Variants in MAMLD1 observed in about 807,000 individuals in gnomAD.
The protein encoded by MAMLD1 is mastermind like domain containing 1.
A neutral mutation model predicts 45.0 loss-of-function variants in MAMLD1; 14 were observed. The observed-to-expected ratio is 0.31, with a 90% CI of 0.21 to 0.49. MAMLD1 has a LOEUF of 0.49. MAMLD1 is among the 20% of genes least tolerant of loss of function. MAMLD1 has a pLI of 0.99. For synonymous variants in MAMLD1, 254 were observed against 247.8 expected, an observed-to-expected ratio of 1.02 and a Z score of -0.24; for missense variants, 543 against 603.6, an observed-to-expected ratio of 0.90 and a Z score of 1.05.
intron 3 of MAMLD1, among the ~76,000 whole-genome samples, chrX:150,463,600 G>A (rs2036121854): frequency 8.9e-6 from 1 of 112,123 alleles, no homozygotes; most frequent in Admixed American, 9.4e-5. Flanking sequence ...CTACAGAAAA[G>A]GAGAAAGTAG....
intron 1 of MAMLD1, among the ~76,000 whole-genome samples, chrX:150,388,801 A>G (rs1318603896): frequency 1.8e-5 from 2 of 111,062 alleles, no homozygotes; most frequent in South Asian, 3.8e-4. Context: ...TTGCTTTTCT[A>G]TTTTCAAATC....
intron 1 of MAMLD1, among the ~76,000 whole-genome samples, chrX:150,438,619 A>G (rs1308608197): frequency 8.9e-6 from 1 of 112,007 alleles, no homozygotes; most frequent in Non-Finnish European, 1.9e-5. Flanking sequence ...TATGTAACCT[A>G]TTATGATTGG....
intron 1 of MAMLD1, among the ~76,000 whole-genome samples, chrX:150,438,113 T>C (rs1249488856): frequency 8.9e-6 from 1 of 111,953 alleles, no homozygotes; most frequent in Admixed American, 9.5e-5. Flanking sequence ...ACTGAGTTGT[T>C]TCCAGTTTTT....
At chrX:150,491,029 T>C (rs1189369340) in intron 5 of MAMLD1, among the ~76,000 whole-genome samples, 1 of 111,942 alleles carries the variant, frequency 8.9e-6, no homozygotes, top group Non-Finnish European at 1.9e-5. Context: ...GTCATCTGAC[T>C]TGTAGGCCAG....
At chrX:150,386,037 C>T (rs1039373222) in intron 1 of MAMLD1, among the ~76,000 whole-genome samples, 6 of 111,175 alleles carry the variant, frequency 5.4e-5, no homozygotes, top group African/African-American at 2.0e-4. Context: ...GTTATTTCCT[C>T]TGGCATGGTG....
At chrX:150,430,543 CTT>C (rs1259823051) in intron 1 of MAMLD1, among the ~76,000 whole-genome samples, 1 of 111,604 alleles carries the variant, frequency 9.0e-6, no homozygotes, top group Non-Finnish European at 1.9e-5. Flanking sequence ...AGAAAGAACT[CTT>C]TGCCTAGCTC....
At chrX:150,437,821 C>A (rs1350605953) in intron 1 of MAMLD1, among the ~76,000 whole-genome samples, 1 of 111,760 alleles carries the variant, frequency 8.9e-6, no homozygotes, top group Non-Finnish European at 1.9e-5. Context: ...ATGGGTAGCT[C>A]TCATTTTGCT....
chrX:150,423,376 GTGTGTGTGTT>G (rs782417515), intron 1 of MAMLD1, among the ~76,000 whole-genome samples: 18 of 107,430 alleles, frequency 1.7e-4, no homozygotes, highest in Non-Finnish European at 2.3e-4. Flanking sequence ...GTGTGTGTGT[GTGTGTGTGTT>G]TGCACCTTTG....
rs190798967 is a variant in MAMLD1 at position 150,470,777 on chromosome X, G to A, written c.1204G>A (p.Ala402Thr). The change falls in exon 4 of 8, where the codon GCC becomes ACC. Residue 402 changes from alanine (A) to threonine (T), a missense_variant. Ala to Thr is a moderately conservative substitution (Grantham distance 58). Coordinates refer to ENST00000370401, the MANE Select transcript of MAMLD1 (RefSeq NM_005491.5). ...CAGCAGCAATGCTGCCCTGGGGCCCGCCATGCCCTATGCTCCTGAGAAGCT... is the reference window on the plus strand; with the variant it reads ...CAGCAGCAATGCTGCCCTGGGGCCCACCATGCCCTATGCTCCTGAGAAGCT... ...TSSSNAALGP[A>T]MPYAPEKLPS... 49 of 1,210,394 alleles carry A rather than the reference G, an allele frequency of 4.0e-5. No individual in the cohort carries two copies. In the East Asian group the frequency reaches 5.3e-4, roughly 13 times the overall value.
In MAMLD1 at chrX:150,372,113, G is replaced by A. The variant is rs781957687; in HGVS notation, c.-64+8583G>A. Among the ~76,000 whole-genome samples, 3 of 112,248 alleles carry A rather than the reference G, an allele frequency of 2.7e-5. No individual in the cohort carries two copies. The South Asian group carries it at 1.1e-3, about 42-fold the overall frequency. The stretch of plus-strand genomic sequence containing the variant: ...AAGAAATGCAGCCAATGGAGGGGGA[G>A]CGCTTGTAACTGTGGCGTAATATAA... On this transcript the variant is annotated intron_variant, in intron 1 of 7. Transcript: ENST00000370401.
chrX:150,387,731 T>C (rs2033000220), intron 1 of MAMLD1, among the ~76,000 whole-genome samples: 1 of 112,029 alleles, frequency 8.9e-6, no homozygotes, highest in Non-Finnish European at 1.9e-5. Flanking sequence ...GAGATTTTTT[T>C]TATTATTATA....
At chrX:150,413,405 C>T (rs1358814093) in intron 1 of MAMLD1, among the ~76,000 whole-genome samples, 7 of 111,416 alleles carry the variant, frequency 6.3e-5, no homozygotes, top group African/African-American at 2.3e-4. Context: ...GAGTTTGCTA[C>T]GGAGGTGCAG....
intron 1 of MAMLD1, among the ~76,000 whole-genome samples, chrX:150,374,301 T>A (rs1371187912): frequency 7.1e-5 from 8 of 112,520 alleles, no homozygotes; most frequent in Non-Finnish European, 1.3e-4. Context: ...ATTGACCAAC[T>A]GTGGGATTTT....
At position 150,394,129 on chromosome X, in the gene MAMLD1, C is replaced by CTTTT. The variant is rs781904160; in HGVS notation, c.-64+30621_-64+30624dup. On this transcript the variant is annotated intron_variant, in intron 1 of 7. Coordinates refer to ENST00000370401, the MANE Select transcript of MAMLD1 (RefSeq NM_005491.5). ...GGGGTGTAAGGTCTATATCTACATC[C>CTTTT]TTTTTTTTTTTTTTTTTTTTTTTTT... 9.0e-4 allele frequency among the ~76,000 whole-genome samples: 11 copies of CTTTT among 12,263 alleles called. 2 individuals are homozygous for CTTTT. The highest frequency in any genetic ancestry group is 0.015 in the South Asian group (1 of 65). The allele number at this position is 12,263 out of a possible 115,157, so 10.6% of individuals were successfully genotyped here.
chrX:150,499,378 A>G (rs1285252426), intron 5 of MAMLD1, among the ~76,000 whole-genome samples: 1 of 111,641 alleles, frequency 9.0e-6, no homozygotes, highest in Non-Finnish European at 1.9e-5. Flanking sequence ...CAGAGTGGAG[A>G]TTGGGCCAAT....
chrX:150,368,304 T>C (rs1557400842), intron 1 of MAMLD1, among the ~76,000 whole-genome samples: 1 of 111,750 alleles, frequency 8.9e-6, no homozygotes, highest in Non-Finnish European at 1.9e-5. Flanking sequence ...ATTTCTCTGA[T>C]GGCCAGTGAT....
chrX:150,507,826 C>T (rs782739796), intron 6 of MAMLD1, among the ~76,000 whole-genome samples: 15 of 112,130 alleles, frequency 1.3e-4, no homozygotes, highest in East Asian at 2.8e-4. Context: ...CGGACTTTAC[C>T]GCACTTCCCC....
intron 5 of MAMLD1, among the ~76,000 whole-genome samples, chrX:150,501,815 C>T (rs2037563895): frequency 8.9e-6 from 1 of 112,339 alleles, no homozygotes; most frequent in Non-Finnish European, 1.9e-5. Flanking sequence ...TGTTTCAAAA[C>T]TTGCTTATCA....
chrX:150,511,852 G>A (rs2148371035), intron 7 of MAMLD1, among the ~76,000 whole-genome samples, 152 bp from the exon 8 acceptor site: 1 of 111,920 alleles, frequency 8.9e-6, no homozygotes, highest in Non-Finnish European at 1.9e-5. Flanking sequence ...GAGGGGAATG[G>A]CGAGGAACTG....
Sources: allele counts gnomAD v4.1 joint callset (sites outside exome capture counted in the v4.1 genomes callset), GRCh38; gene constraint gnomAD v4.1.1; transcripts MANE v1.5; gene names NCBI Gene and HGNC (gene_info 2026-07-23, HGNC 2026-07-21).